RARA: variants seen among roughly 807,000 people sequenced by gnomAD.
RARA encodes retinoic acid receptor alpha.
Under a neutral mutation model 42.8 loss-of-function variants are expected in RARA, and 5 were observed. That is an observed-to-expected ratio of 0.12 (90% CI 0.06 to 0.25). The LOEUF is 0.25. Ranked by LOEUF, RARA falls within the 10% of genes least tolerant of loss-of-function variation. The pLI is 1.00. For missense variants in RARA, 402 were observed against 628.7 expected (o/e 0.64, Z 3.86); for synonymous variants, 256 against 259.5 (o/e 0.99, Z 0.13).
At chr17:40,337,504 C>T (rs1032633538) in intron 2 of RARA, among the ~76,000 whole-genome samples, 1 of 152,186 alleles carries the variant, frequency 6.6e-6, no homozygotes, top group Non-Finnish European at 1.5e-5. Context: ...TTCACACCAT[C>T]CCCACCCCCA....
chr17:40,339,502 T>C (rs2033960904), intron 2 of RARA, among the ~76,000 whole-genome samples: 1 of 152,138 alleles, frequency 6.6e-6, no homozygotes, highest in Non-Finnish European at 1.5e-5. Flanking sequence ...GGACACTGTG[T>C]TCTGCTCTGA....
At chr17:40,333,684 T>G (rs1407351395) in intron 2 of RARA, among the ~76,000 whole-genome samples, 1 of 151,916 alleles carries the variant, frequency 6.6e-6, no homozygotes, top group Non-Finnish European at 1.5e-5. Flanking sequence ...TCTCCCAGGC[T>G]GGAGTGCAGT....
intron 3 of RARA, 100 bp downstream of exon 3, chr17:40,348,564 G>A (rs1338958523): frequency 7.1e-7 from 1 of 1,407,790 alleles, no homozygotes; most frequent in East Asian, 2.7e-5. Context: ...TGTCCCTGAA[G>A]TTGCTGCTCT....
At chr17:40,314,424 A>G (rs949231190) in intron 1 of RARA, among the ~76,000 whole-genome samples, 42 of 152,050 alleles carry the variant, frequency 2.8e-4, no homozygotes, top group African/African-American at 1.0e-3. Context: ...GGAGACTCAC[A>G]GCCTGGGTAC....
chr17:40,354,332 G>A lies in RARA; in HGVS notation c.838G>A (p.Glu280Lys), dbSNP rs2143522573. 6.2e-7 allele frequency: 1 copy of A among 1,614,146 alleles called. No homozygotes were observed. The highest frequency in any genetic ancestry group is 8.5e-7 in the Non-Finnish European group (1 of 1,180,044). Residue 280 changes from glutamate (E) to lysine (K), a missense_variant, in exon 7 of 9, where the codon GAG becomes AAG. Around this residue, in one of 5 missense-constraint regions of RARA, gnomAD observed 130 missense variants for 267.9 expected, o/e 0.49. Transcript: ENST00000254066. The surrounding 1 kb of genome is among the most constrained non-coding windows in gnomAD (Gnocchi z 4.5). ...ILRICTRYTPEQDTMTFSDGL... is the reference protein window; with the variant it reads ...ILRICTRYTPKQDTMTFSDGL... Reference sequence around the variant, plus strand: ...GCGGATCTGCACGCGGTACACGCCCGAGCAGGACACCATGACCTTCTCGGA... The same window carrying A: ...GCGGATCTGCACGCGGTACACGCCCAAGCAGGACACCATGACCTTCTCGGA...
intron 2 of RARA, among the ~76,000 whole-genome samples, chr17:40,339,004 C>T (rs750686437): frequency 1.3e-5 from 2 of 152,036 alleles, no homozygotes; most frequent in African/African-American, 4.8e-5. Flanking sequence ...GGTGACAGAA[C>T]GAGACTCTGT....
At chr17:40,329,463 T>C (rs895482152) in intron 1 of RARA, among the ~76,000 whole-genome samples, 14 of 152,126 alleles carry the variant, frequency 9.2e-5, no homozygotes, top group African/African-American at 3.1e-4. Context: ...CCTGCCACCA[T>C]GCGCAGCTAA....
chr17:40,342,135 G>T, intron 2 of RARA: 1 of 1,038,058 alleles, frequency 9.6e-7, no homozygotes, highest in Non-Finnish European at 1.2e-6. Context: ...AGGGGAGGGG[G>T]CGCGCAGAGC....
Position 40,355,970 on chromosome 17 carries a change from G to A in RARA, c.1172-39G>A. ...TGCTGGGGCTGGGGGTGGGAGGGCT[G>A]GCCCAGCGTGCTGACCTCTGCCCCC... On this transcript the variant is annotated intron_variant, in intron 8 of 8. Transcript: ENST00000254066. The surrounding 1 kb of genome is among the most constrained non-coding windows in gnomAD (Gnocchi z 4.1). 6.5e-7 allele frequency: 1 copy of A among 1,543,022 alleles called. No individual in the cohort carries two copies. Among genetic ancestry groups the A allele is most frequent in the Non-Finnish European group, 8.8e-7 (1 of 1,141,258 alleles).
intron 2 of RARA, chr17:40,341,718 T>G: frequency 7.6e-7 from 1 of 1,313,976 alleles, no homozygotes; most frequent in Non-Finnish European, 9.7e-7. Flanking sequence ...GGGGTGTGTG[T>G]TAAGGGGAGG....
At chr17:40,347,676 C>G (rs1235604711) in intron 2 of RARA, among the ~76,000 whole-genome samples, 3 of 152,190 alleles carry the variant, frequency 2.0e-5, no homozygotes, top group African/African-American at 4.8e-5. Flanking sequence ...ACTCTTCTCC[C>G]TGTATTCAGG....
chr17:40,341,786 C>T (rs1342756162), intron 2 of RARA: 6 of 1,270,748 alleles, frequency 4.7e-6, no homozygotes, highest in African/African-American at 1.6e-5. Context: ...CGGCTTCGCT[C>T]GGCCAGGGAC....
At chr17:40,327,127 T>G (rs1378921491) in intron 1 of RARA, among the ~76,000 whole-genome samples, 2 of 147,960 alleles carry the variant, frequency 1.4e-5, no homozygotes, top group Non-Finnish European at 1.5e-5. Context: ...GGGGGTGAGG[T>G]GGGGGTAGTG....
chr17:40,330,392 T>C (rs1474533965), intron 1 of RARA, among the ~76,000 whole-genome samples: 1 of 151,930 alleles, frequency 6.6e-6, no homozygotes, highest in African/African-American at 2.4e-5. Flanking sequence ...GGGGGGGAAG[T>C]GGTGTAAGAG....
Position 40,351,050 on chromosome 17 carries a change from T to G in RARA, c.470-860T>G, listed in dbSNP as rs911384062. 6.6e-6 allele frequency among the ~76,000 whole-genome samples: 1 copy of G among 151,904 alleles called. No individual in the cohort carries two copies. Among genetic ancestry groups the G allele is most frequent in the Non-Finnish European group, 1.5e-5 (1 of 67,954 alleles). On this transcript the variant is annotated intron_variant, in intron 4 of 8. Transcript: ENST00000254066. This position sits in a 1 kb window ranked among gnomAD's most constrained non-coding sequence, Gnocchi z 4.1. ...GTGCCCCGGAGCTGAGCAGCTGCCA[T>G]TTCAATAGAATTAAAGCTTCCGAAT... is the stretch of plus-strand genomic sequence containing the variant.
chr17:40,337,334 T>A (rs2033884311), intron 2 of RARA, among the ~76,000 whole-genome samples: 1 of 152,198 alleles, frequency 6.6e-6, no homozygotes, highest in Non-Finnish European at 1.5e-5. Context: ...TAGAGGCCCT[T>A]TCTCTGCCTT....
In RARA at chr17:40,351,789, G is replaced by A; in HGVS notation, c.470-121G>A. On this transcript the variant is annotated intron_variant, in intron 4 of 8. Transcript: ENST00000254066. The surrounding 1 kb of genome is among the most constrained non-coding windows in gnomAD (Gnocchi z 4.1). The stretch of plus-strand genomic sequence containing the variant: ...TTGCCTGCCCGTGAACGCGTGCTGT[G>A]TGCGCGTGCTTACAAGCCTGGGTGA... 5 of 1,325,230 alleles carry A rather than the reference G, an allele frequency of 3.8e-6. No homozygotes were observed. The highest frequency in any genetic ancestry group is 1.3e-5 in the South Asian group (1 of 74,176). 82.1% of individuals were successfully genotyped at this position (1,325,230 alleles called of 1,614,324 possible).
intron 2 of RARA, among the ~76,000 whole-genome samples, chr17:40,336,406 G>A (rs2033851881): frequency 6.6e-6 from 1 of 151,454 alleles, no homozygotes; most frequent in Admixed American, 6.6e-5. Flanking sequence ...TTATTTATTT[G>A]TTTTAGACAG....
At chr17:40,315,554 G>A (rs931446629) in intron 1 of RARA, among the ~76,000 whole-genome samples, 7 of 152,096 alleles carry the variant, frequency 4.6e-5, no homozygotes, top group African/African-American at 9.7e-5. Flanking sequence ...GGGAAGAGGA[G>A]TCAGCTGGAG....
Sources: allele counts gnomAD v4.1 joint callset (sites outside exome capture counted in the v4.1 genomes callset), GRCh38; gene constraint gnomAD v4.1.1; regional missense constraint gnomAD v4.1.1; non-coding constraint Gnocchi (gnomAD v3.1); transcripts MANE v1.5; gene names NCBI Gene and HGNC (gene_info 2026-07-23, HGNC 2026-07-21).